Variants in LINC00632 observed in about 807,000 individuals in gnomAD.
The protein encoded by LINC00632 is ALDOA related specific transcript.
intron 3 of LINC00632, among the ~76,000 whole-genome samples, chrX:140,753,496 T>G (rs1931441440): frequency 9.0e-6 from 1 of 111,304 alleles, no homozygotes; most frequent in South Asian, 3.8e-4. Context: ...TGCCTTAGCT[T>G]CTAGAGCTGT....
At chrX:140,732,013 G>A (rs750922852) in intron 2 of LINC00632, among the ~76,000 whole-genome samples, 11 of 110,902 alleles carry the variant, frequency 9.9e-5, no homozygotes, top group Admixed American at 1.9e-4. Flanking sequence ...AGACCAGACA[G>A]GCCAACATGG....
intron 3 of LINC00632, among the ~76,000 whole-genome samples, chrX:140,736,874 G>GCTTTTTT: frequency 9.2e-6 from 1 of 108,407 alleles, no homozygotes; most frequent in Admixed American, 1.0e-4. Context: ...GAAGATTGAT[G>GCTTTTTT]CTTTTTTCTT....
At chrX:140,710,796 G>A (rs1213763886) in intron 1 of LINC00632, among the ~76,000 whole-genome samples, 1 of 111,289 alleles carries the variant, frequency 9.0e-6, no homozygotes, top group Non-Finnish European at 1.9e-5. Context: ...GAATGAAAAA[G>A]CTTAAAAGAA....
At chrX:140,739,501 G>A (rs966861229) in intron 3 of LINC00632, among the ~76,000 whole-genome samples, 5 of 110,929 alleles carry the variant, frequency 4.5e-5, no homozygotes, top group African/African-American at 1.6e-4. Context: ...GATCACAGCC[G>A]TAAGCCGCCA....
At chrX:140,740,596 C>G (rs1408450659) in intron 3 of LINC00632, among the ~76,000 whole-genome samples, 2 of 110,160 alleles carry the variant, frequency 1.8e-5, no homozygotes, top group African/African-American at 6.6e-5. Flanking sequence ...TGTTTTCTCT[C>G]TTGTCCCTAC....
intron 3 of LINC00632, among the ~76,000 whole-genome samples, chrX:140,740,598 T>C (rs989320435): frequency 7.2e-5 from 8 of 110,867 alleles, no homozygotes; most frequent in Admixed American, 2.9e-4. Context: ...TTTTCTCTCT[T>C]GTCCCTACAG....
intron 2 of LINC00632, chrX:140,712,340 GCA>G (rs1930531819): frequency 9.6e-6 from 1 of 104,348 alleles, no homozygotes; most frequent in Non-Finnish European, 1.9e-5. Flanking sequence ...CCTCTTAGGC[GCA>G]CCTGATATCC....
intron 2 of LINC00632, among the ~76,000 whole-genome samples, chrX:140,717,569 G>A (rs1198276983): frequency 1.8e-5 from 2 of 110,694 alleles, no homozygotes; most frequent in Non-Finnish European, 3.8e-5. Flanking sequence ...GCAAACCCAC[G>A]CCCACAATGC....
chrX:140,782,021 GTTCA>G (rs1931941453), exon 5 of LINC00632, among the ~76,000 whole-genome samples: 1 of 112,118 alleles, frequency 8.9e-6, no homozygotes, highest in African/African-American at 3.2e-5. Context: ...AATAAGGCCA[GTTCA>G]TTGAGACTAT....
intron 3 of LINC00632, among the ~76,000 whole-genome samples, chrX:140,735,471 A>C (rs756074398): frequency 3.0e-4 from 34 of 112,099 alleles, no homozygotes; most frequent in Non-Finnish European, 6.2e-4. Context: ...CATTATTTAA[A>C]ATTCATTATA....
intron 3 of LINC00632, among the ~76,000 whole-genome samples, chrX:140,736,900 C>CT (rs757869831): frequency 0.02 from 1,855 of 94,364 alleles, 47 homozygotes; most frequent in African/African-American, 0.055. Flanking sequence ...TTTTTCTTTT[C>CT]TTTTTTTTTT....
At chrX:140,778,635 A>G (rs1365009784) in exon 5 of LINC00632, among the ~76,000 whole-genome samples, 1 of 107,237 alleles carries the variant, frequency 9.3e-6, no homozygotes, top group African/African-American at 3.4e-5. Context: ...AAAAAAAAAA[A>G]GAACTGTTTT....
exon 5 of LINC00632, among the ~76,000 whole-genome samples, chrX:140,785,624 C>G (rs922496234): frequency 8.9e-6 from 1 of 112,142 alleles, no homozygotes; most frequent in Non-Finnish European, 1.9e-5. Flanking sequence ...CTTTTATTCC[C>G]CAACCAGCTA....
intron 3 of LINC00632, among the ~76,000 whole-genome samples, chrX:140,771,624 C>T (rs1373318936): frequency 0.013 from 1,185 of 93,033 alleles, 24 homozygotes; most frequent in African/African-American, 0.046. Flanking sequence ...CACACACACA[C>T]ACACACACAC....
chrX:140,768,357 A>T (rs1228553848), intron 3 of LINC00632, among the ~76,000 whole-genome samples: 1 of 108,184 alleles, frequency 9.2e-6, no homozygotes, highest in African/African-American at 3.4e-5. Context: ...CGAAGACCTC[A>T]GGACCAAGGA....
chrX:140,772,097 A>G lies in LINC00632; in HGVS notation n.211A>G, dbSNP rs1272407365. 1.7e-5 allele frequency: 5 copies of G among 292,511 alleles called. No individual in the cohort carries two copies. The East Asian group carries it at 2.4e-4, about 14-fold the overall frequency. The allele number at this position is 292,511 out of a possible 1,213,427, so 24.1% of individuals were successfully genotyped here. On this transcript the variant is annotated non_coding_transcript_exon_variant, in exon 4 of 5. Coordinates refer to ENST00000648200, the Ensembl canonical transcript of LINC00632. ...TCCTAGATGGTGTGCTTCTCACCTC[A>G]GCGTGATAGCCTGACCTTGACTCCT... is the stretch of plus-strand genomic sequence containing the variant.
intron 2 of LINC00632, chrX:140,716,101 A>C (rs1484244002): frequency 8.9e-6 from 1 of 111,948 alleles, no homozygotes; most frequent in Non-Finnish European, 1.9e-5. Context: ...CACACAACAC[A>C]CATATTACTC....
intron 2 of LINC00632, among the ~76,000 whole-genome samples, chrX:140,722,765 G>A (rs781197431): frequency 9.0e-6 from 1 of 111,678 alleles, no homozygotes; most frequent in African/African-American, 3.2e-5. Context: ...AACTTGCCGG[G>A]CAAAACAAAT....
chrX:140,736,172 A>C (rs985891364), intron 3 of LINC00632, among the ~76,000 whole-genome samples: 5 of 111,284 alleles, frequency 4.5e-5, no homozygotes, highest in Non-Finnish European at 7.5e-5. Flanking sequence ...AAATAAATTA[A>C]GAAATTAAAT....
Sources: gnomAD v4.1 joint callset for allele counts (sites outside exome capture counted in the v4.1 genomes callset) on GRCh38, gnomAD v4.1.1 for gene constraint, MANE v1.5 for transcripts, NCBI Gene and HGNC (gene_info 2026-07-23, HGNC 2026-07-21) for gene names.